The following LPP variants were observed in gnomAD, a reference collection of about 807,000 sequenced individuals.
The protein encoded by LPP is lipoma-preferred partner.
In LPP, 38 loss-of-function variants were observed where a neutral mutation model predicts 60.4. That is an observed-to-expected ratio of 0.63 (90% CI 0.49 to 0.83). The LOEUF is 0.83. Ranked by LOEUF, LPP falls within the 40% of genes least tolerant of loss-of-function variation. The probability of loss-of-function intolerance (pLI) is 0.00; values close to 1 mark genes in which losing one functional copy is unlikely to be tolerated. For synonymous variants in LPP, 328 were observed against 290.8 expected (o/e 1.13, Z -1.30); for missense variants, 902 against 783.6 (o/e 1.15, Z -1.80).
intron 7 of LPP, among the ~76,000 whole-genome samples, chr3:188,626,854 TA>T (rs1426934672): frequency 6.6e-6 from 1 of 152,144 alleles, no homozygotes; most frequent in Non-Finnish European, 1.5e-5. Context: ...AATGAACATT[TA>T]TTTTAAATGA....
chr3:188,510,559 A>G (rs1037289262), intron 5 of LPP, among the ~76,000 whole-genome samples: 8 of 152,100 alleles, frequency 5.3e-5, no homozygotes, highest in African/African-American at 1.7e-4. Flanking sequence ...AGATACAATT[A>G]CCCCTGCCCA....
At chr3:188,589,917 G>T (rs1297567696) in intron 6 of LPP, among the ~76,000 whole-genome samples, 1 of 152,158 alleles carries the variant, frequency 6.6e-6, no homozygotes, top group African/African-American at 2.4e-5. Context: ...CAACAGTTTT[G>T]CCTGATTTTT....
chr3:188,157,011 C>T (rs1195178646), intron 1 of LPP, among the ~76,000 whole-genome samples: 1 of 152,158 alleles, frequency 6.6e-6, no homozygotes, highest in Non-Finnish European at 1.5e-5. Flanking sequence ...TTGTAAAACA[C>T]ACTTTTTTCA....
intron 1 of LPP, among the ~76,000 whole-genome samples, chr3:188,211,719 C>T (rs751401892): frequency 3.3e-5 from 5 of 152,314 alleles, no homozygotes; most frequent in Admixed American, 1.3e-4. Context: ...TCTGAGTCTT[C>T]CAGCCCGGTG....
At chr3:188,719,102 C>CATGT (rs1355874056) in intron 8 of LPP, among the ~76,000 whole-genome samples, 1 of 152,072 alleles carries the variant, frequency 6.6e-6, no homozygotes, top group East Asian at 1.9e-4. Context: ...ATCTCTTTTG[C>CATGT]ATGTATCTTC....
At chr3:188,157,512 T>C (rs568523286) in intron 1 of LPP, among the ~76,000 whole-genome samples, 1 of 152,018 alleles carries the variant, frequency 6.6e-6, no homozygotes, top group African/African-American at 2.4e-5. Context: ...AGCACAGATA[T>C]TTGCTGCATT....
chr3:188,765,859 C>CTTTTTTTTTTTTTTTT (rs1491383044), intron 9 of LPP, among the ~76,000 whole-genome samples: 1 of 96,070 alleles, frequency 1.0e-5, no homozygotes, highest in African/African-American at 4.0e-5. Flanking sequence ...TAATGTTCAA[C>CTTTTTTTTTTTTTTTT]TCTTTTTTTT....
chr3:188,661,864 T>C (rs1854652380), intron 7 of LPP, among the ~76,000 whole-genome samples: 1 of 152,234 alleles, frequency 6.6e-6, no homozygotes, highest in African/African-American at 2.4e-5. Flanking sequence ...CTAACTCATT[T>C]TTCTTTCATT....
At chr3:188,345,213 C>T (rs1321165204) in intron 3 of LPP, among the ~76,000 whole-genome samples, 1 of 152,152 alleles carries the variant, frequency 6.6e-6, no homozygotes, top group Non-Finnish European at 1.5e-5. Context: ...CATTATCTTC[C>T]AGGCAAAACC....
At chr3:188,599,792 T>TG (rs1553938567) in intron 6 of LPP, among the ~76,000 whole-genome samples, 13 of 76,880 alleles carry the variant, frequency 1.7e-4, no homozygotes, top group South Asian at 1.3e-3. Context: ...GTGTGTGTGG[T>TG]GTGTGCTTTA....
chr3:188,836,141 A>C (rs1758392095), intron 9 of LPP, among the ~76,000 whole-genome samples: 1 of 152,236 alleles, frequency 6.6e-6, no homozygotes, highest in Non-Finnish European at 1.5e-5. Flanking sequence ...ACTTTTCTTT[A>C]AAGAAGAAGA....
chr3:188,357,417 A>G (rs1163472042), intron 3 of LPP, among the ~76,000 whole-genome samples: 1 of 152,154 alleles, frequency 6.6e-6, no homozygotes, highest in East Asian at 1.9e-4. Flanking sequence ...TTTATGAATG[A>G]TGCTGAACTC....
chr3:188,367,125 T>C (rs1771439663), intron 3 of LPP, among the ~76,000 whole-genome samples: 1 of 152,098 alleles, frequency 6.6e-6, no homozygotes, highest in Non-Finnish European at 1.5e-5. Flanking sequence ...CTCGATCTCC[T>C]GACCTCATGA....
chr3:188,714,031 A>G (rs890804808), intron 8 of LPP, among the ~76,000 whole-genome samples: 1 of 152,216 alleles, frequency 6.6e-6, no homozygotes, highest in Admixed American at 6.5e-5. Context: ...AGTCGCAGCC[A>G]CAACATGACT....
chr3:188,389,643 G>T (rs1779196369), intron 3 of LPP, among the ~76,000 whole-genome samples: 2 of 152,034 alleles, frequency 1.3e-5, no homozygotes, highest in African/African-American at 4.8e-5. Flanking sequence ...AGGTGTGGTG[G>T]CAGGAGCCTA....
At chr3:188,591,557 C>G in intron 6 of LPP, among the ~76,000 whole-genome samples, 1 of 152,178 alleles carries the variant, frequency 6.6e-6, no homozygotes, top group South Asian at 2.1e-4. Flanking sequence ...CTCTGGGAGC[C>G]TTTTTCCTTC....
intron 9 of LPP, among the ~76,000 whole-genome samples, chr3:188,776,045 T>A (rs1158293712): frequency 6.6e-6 from 1 of 152,236 alleles, no homozygotes; most frequent in Non-Finnish European, 1.5e-5. Flanking sequence ...AAGACTGTGC[T>A]CCGTGCTATG....
chr3:188,708,870 T>C (rs1022439515), intron 8 of LPP: 3 of 163,642 alleles, frequency 1.8e-5, no homozygotes, highest in African/African-American at 7.1e-5. Context: ...GAGACCCTGT[T>C]TTTTTGTTTT....
intron 9 of LPP, among the ~76,000 whole-genome samples, chr3:188,765,128 G>A (rs1248386620): frequency 6.6e-6 from 1 of 152,150 alleles, no homozygotes; most frequent in Non-Finnish European, 1.5e-5. Context: ...TGTTTTAAAA[G>A]CACTTATGGC....
Sources: gnomAD v4.1 joint callset for allele counts (sites outside exome capture counted in the v4.1 genomes callset) on GRCh38, gnomAD v4.1.1 for gene constraint, MANE v1.5 for transcripts, NCBI Gene and HGNC (gene_info 2026-07-23, HGNC 2026-07-21) for gene names.